Variants in ENKUR observed in about 807,000 individuals in gnomAD.
The protein encoded by ENKUR is enkurin, TRPC channel interacting protein.
ENKUR carries 19 observed loss-of-function variants against 27.6 expected under a neutral mutation model. The ratio of observed to expected loss-of-function variants is 0.69; its 90% CI spans 0.48 to 1.01. The LOEUF (loss-of-function observed/expected upper bound fraction) is 1.01, where lower values mean the gene tolerates loss of function less well. Among genes scored for constraint, ENKUR ranks in the 50% least tolerant of loss-of-function variants. The pLI, the probability that ENKUR is intolerant of heterozygous loss-of-function variation, is 0.00. For missense variants in ENKUR, 312 were observed against 310.5 expected (o/e 1.00, Z -0.04); for synonymous variants, 117 against 96.9 (o/e 1.21, Z -1.22).
At chr10:25,006,862 C>T (rs11014343) in intron 1 of ENKUR, among the ~76,000 whole-genome samples, 5,589 of 152,206 alleles carry the variant, frequency 0.037, 140 homozygotes, top group Non-Finnish European at 0.058. Flanking sequence ...TTCCTCATTG[C>T]CTCAACTTCT....
chr10:25,008,921 C>T (rs1204026352), intron 1 of ENKUR, among the ~76,000 whole-genome samples: 1 of 152,190 alleles, frequency 6.6e-6, no homozygotes, highest in Non-Finnish European at 1.5e-5. Context: ...GAATACTATG[C>T]AGCCATAAAA....
upstream of ENKUR, among the ~76,000 whole-genome samples, chr10:25,018,338 C>T (rs1294571507): frequency 6.6e-6 from 1 of 152,164 alleles, no homozygotes; most frequent in Non-Finnish European, 1.5e-5. Context: ...GTGTCCACCG[C>T]ATGTCCACAG....
At position 24,988,646 on chromosome 10, in the gene ENKUR, TAG is replaced by T. The variant is rs1186772480; in HGVS notation, c.594+1815_594+1816del. Among the ~76,000 whole-genome samples, 353 of 86,266 alleles carry T rather than the reference TAG, an allele frequency of 4.1e-3. 1 individual carries two copies. Among genetic ancestry groups the T allele is most frequent in the Middle Eastern group, 0.019 (3 of 154 alleles). The allele number at this position is 86,266 out of a possible 152,430, so 56.6% of individuals were successfully genotyped here. On this transcript the variant is annotated intron_variant, in intron 4 of 5. Coordinates refer to ENST00000331161, the MANE Select transcript of ENKUR (RefSeq NM_145010.4). ...TAGATCTTTAGCTGGCCTGAAAATGTAGAGTGACACAGCATATGTATATATAT... is the reference window on the plus strand; with the variant it reads ...TAGATCTTTAGCTGGCCTGAAAATGTAGTGACACAGCATATGTATATATAT...
intron 4 of ENKUR, among the ~76,000 whole-genome samples, chr10:24,989,417 G>T (rs191378424): frequency 6.6e-6 from 1 of 152,142 alleles, no homozygotes; most frequent in East Asian, 1.9e-4. Context: ...GGGACATGCC[G>T]TCACTCTACA....
chr10:25,051,856 A>G (rs1291710280), intron 2 of ENKUR, among the ~76,000 whole-genome samples: 4 of 152,212 alleles, frequency 2.6e-5, no homozygotes, highest in Non-Finnish European at 4.4e-5. Context: ...CATTGTCCCT[A>G]CTAGGTCGTC....
chr10:25,002,824 A>G (rs999099907), intron 1 of ENKUR, among the ~76,000 whole-genome samples: 17 of 152,184 alleles, frequency 1.1e-4, no homozygotes, highest in Non-Finnish European at 2.9e-5. Flanking sequence ...GATAGTTTCA[A>G]GAAATAATGT....
chr10:25,003,583 C>T (rs1278507064), intron 1 of ENKUR, among the ~76,000 whole-genome samples: 2 of 152,092 alleles, frequency 1.3e-5, no homozygotes, highest in Non-Finnish European at 2.9e-5. Context: ...ACACATAAAT[C>T]TTATTCTTTC....
At chr10:25,005,103 G>A (rs1258650015) in intron 1 of ENKUR, among the ~76,000 whole-genome samples, 1 of 152,036 alleles carries the variant, frequency 6.6e-6, no homozygotes, top group Non-Finnish European at 1.5e-5. Context: ...TCTCTATTCT[G>A]TTCTATTGAT....
In ENKUR at chr10:25,004,420, CACA is replaced by C. The variant is rs1850265396; in HGVS notation, c.78-4877_78-4875del. The stretch of plus-strand genomic sequence containing the variant: ...CAGTGAGTAAGTGTTCCTTTTTCTC[CACA>C]ACCTCACCAGTATCTTTTGAATAAT... On this transcript the variant is annotated intron_variant, in intron 1 of 5. Transcript: ENST00000331161. Among the ~76,000 whole-genome samples, 3 of 152,084 alleles carry C rather than the reference CACA, an allele frequency of 2.0e-5. No homozygotes were observed. In the South Asian group the frequency reaches 6.2e-4, roughly 32 times the overall value.
rs528517472 is a variant in ENKUR, at chr10:25,047,844, A to G, written c.37+13268T>C. Among the ~76,000 whole-genome samples the G allele has an allele frequency of 9.8e-5, 15 of 152,360 alleles. No individual in the cohort carries two copies. The South Asian group carries it at 3.1e-3, about 32-fold the overall frequency. ...GGTCTTGGCAGTTTTCCTAAAATAC[A>G]TACATAGCATAAAAAGAAAGCATAA... On this transcript the variant is annotated intron_variant, in intron 2 of 5. Coordinates refer to the ENKUR transcript ENST00000615958.
chr10:24,984,556 A>T, intron 5 of ENKUR, 180 bp from the exon 6 acceptor site: 1 of 1,066,684 alleles, frequency 9.4e-7, no homozygotes, highest in South Asian at 1.8e-5. Context: ...TAAAAACAAA[A>T]TTTCTTCTTG....
Position 24,984,841 on chromosome 10 carries a change from G to A in ENKUR, c.659C>T (p.Ser220Phe). The change falls in exon 5 of 6, where the codon TCT (serine) becomes TTT (phenylalanine). Residue 220 changes from serine to phenylalanine, a missense_variant. Transcript: ENST00000331161. ...CTGCTTGCGGATCTTCTTTGGTATA[G>A]AATCTATAAAGACCGAGAGGGACTG... is the stretch of plus-strand genomic sequence containing the variant. Reference protein sequence around the residue: ...EFQSLSVFIDSIPKKIRKQRL... With the variant: ...EFQSLSVFIDFIPKKIRKQRL... The A allele has an allele frequency of 3.1e-6, 5 of 1,613,574 alleles. No individual in the cohort carries two copies. Among genetic ancestry groups the A allele is most frequent in the Non-Finnish European group, 4.2e-6 (5 of 1,179,736 alleles).
intron 4 of ENKUR, among the ~76,000 whole-genome samples, chr10:24,986,661 T>C (rs1371386674): frequency 6.6e-6 from 1 of 152,094 alleles, no homozygotes; most frequent in African/African-American, 2.4e-5. Context: ...GCAGCTACAG[T>C]TTTTCTCTGT....
At chr10:25,059,458 T>C (rs1851301872) in intron 2 of ENKUR, among the ~76,000 whole-genome samples, 1 of 152,184 alleles carries the variant, frequency 6.6e-6, no homozygotes, top group Non-Finnish European at 1.5e-5. Context: ...AGTATAGTAT[T>C]ATACTATGTA....
chr10:25,008,339 A>G (rs1479275168), intron 1 of ENKUR, among the ~76,000 whole-genome samples: 3 of 152,222 alleles, frequency 2.0e-5, no homozygotes, highest in Admixed American at 2.0e-4. Context: ...CTTGGCTGTA[A>G]TTAGTTAGCA....
At chr10:24,992,763 T>C (rs1274771589) in intron 3 of ENKUR, among the ~76,000 whole-genome samples, 1 of 152,186 alleles carries the variant, frequency 6.6e-6, no homozygotes, top group East Asian at 1.9e-4. Flanking sequence ...CCATCCTGAC[T>C]GAACAAGGGA....
At chr10:25,051,346 G>A (rs1042541713) in intron 2 of ENKUR, among the ~76,000 whole-genome samples, 2 of 152,170 alleles carry the variant, frequency 1.3e-5, no homozygotes, top group African/African-American at 4.8e-5. Context: ...GTCCCTATTA[G>A]GCTGTTCTTG....
At chr10:25,062,225 A>G (rs1231128623) in exon 1 of ENKUR, 1 of 152,020 alleles carries the variant, frequency 6.6e-6, no homozygotes, top group Non-Finnish European at 1.5e-5. Flanking sequence ...CTTCTTGAGC[A>G]AGTAGGACTT....
intron 2 of ENKUR, among the ~76,000 whole-genome samples, chr10:25,030,123 A>C (rs1850918633): frequency 6.6e-6 from 1 of 152,030 alleles, no homozygotes; most frequent in African/African-American, 2.4e-5. Flanking sequence ...TTATAGGGAG[A>C]CTACCCTATA....
Sources: gnomAD v4.1 joint callset for allele counts (sites outside exome capture counted in the v4.1 genomes callset) on GRCh38, gnomAD v4.1.1 for gene constraint, MANE v1.5 for transcripts, NCBI Gene and HGNC (gene_info 2026-07-23, HGNC 2026-07-21) for gene names.